Variants in EMCN observed in about 807,000 individuals in gnomAD.
The protein encoded by EMCN is endomucin.
EMCN carries 37 observed loss-of-function variants against 38.4 expected under a neutral mutation model. That is an observed-to-expected ratio of 0.96 (90% CI 0.74 to 1.27). The LOEUF (loss-of-function observed/expected upper bound fraction) is 1.27. Ranked by LOEUF, EMCN falls within the 50% of genes most tolerant of loss-of-function variation. The pLI is 0.00. For missense variants in EMCN, 318 were observed against 302.8 expected, an observed-to-expected ratio of 1.05 and a Z score of -0.37; for synonymous variants, 95 against 100.8, an observed-to-expected ratio of 0.94 and a Z score of 0.35.
At chr4:100,512,806 C>CA (rs201517827) in intron 1 of EMCN, among the ~76,000 whole-genome samples, 1,391 of 83,326 alleles carry the variant, frequency 0.017, 17 homozygotes, top group African/African-American at 0.047. Flanking sequence ...AACTCCATCT[C>CA]AAAAAAAAAA....
intron 11 of EMCN, among the ~76,000 whole-genome samples, chr4:100,402,358 T>A (rs559740162): frequency 6.6e-6 from 1 of 152,192 alleles, no homozygotes; most frequent in South Asian, 2.1e-4. Context: ...TACTGTTTGC[T>A]GTTTCATGAG....
chr4:100,420,903 CCT>C (rs1250684529), intron 8 of EMCN, among the ~76,000 whole-genome samples: 1 of 151,822 alleles, frequency 6.6e-6, no homozygotes, highest in Non-Finnish European at 1.5e-5. Flanking sequence ...ATTATGGGCC[CCT>C]GAGCTGAATT....
At chr4:100,427,967 T>C (rs551438323) in intron 5 of EMCN, among the ~76,000 whole-genome samples, 1 of 152,098 alleles carries the variant, frequency 6.6e-6, no homozygotes, top group Non-Finnish European at 1.5e-5. Flanking sequence ...ATTGGCTTCA[T>C]CTCCGAACTA....
intron 1 of EMCN, chr4:100,483,243 A>C (rs779267978): frequency 1.3e-5 from 2 of 152,156 alleles, no homozygotes; most frequent in Non-Finnish European, 2.9e-5. Context: ...AGGCTCAAAA[A>C]GGGTAAACAG....
chr4:100,461,880 A>G (rs933139863), intron 4 of EMCN, among the ~76,000 whole-genome samples: 3 of 152,194 alleles, frequency 2.0e-5, no homozygotes, highest in African/African-American at 7.2e-5. Context: ...GCTGTTCAAC[A>G]TTTAACCAAC....
rs543865238 is a variant in EMCN, at chr4:100,492,792, A to G, written c.65-12753T>C. On this transcript the variant is annotated intron_variant, in intron 1 of 11. Transcript: ENST00000296420. Reference sequence around the variant, plus strand: ...AGAAGACACTAAATAAATCAAAATAATTTATTACCAGAAAAAAAGCAAGGG... The same window carrying G: ...AGAAGACACTAAATAAATCAAAATAGTTTATTACCAGAAAAAAAGCAAGGG... Among the ~76,000 whole-genome samples the G allele has an allele frequency of 3.3e-5, 5 of 152,278 alleles. No homozygotes were observed. The South Asian group carries it at 1.0e-3, about 32-fold the overall frequency.
Position 100,478,124 on chromosome 4 carries a change from C to T in EMCN, c.187+1793G>A, listed in dbSNP as rs142949456. 2.6e-5 allele frequency among the ~76,000 whole-genome samples: 4 copies of T among 152,258 alleles called. No individual in the cohort carries two copies. In the East Asian group the frequency reaches 7.7e-4, roughly 29 times the overall value. On this transcript the variant is annotated intron_variant, in intron 2 of 11. Transcript: ENST00000296420. Reference sequence around the variant, plus strand: ...TTGTCCAATGTTGTTCCCTCATTCTCCTATAAGCACCACGGACCCCAATTT... The same window carrying T: ...TTGTCCAATGTTGTTCCCTCATTCTTCTATAAGCACCACGGACCCCAATTT...
intron 5 of EMCN, among the ~76,000 whole-genome samples, chr4:100,433,335 A>G (rs1727254782): frequency 1.3e-5 from 2 of 152,068 alleles, no homozygotes; most frequent in Non-Finnish European, 2.9e-5. Flanking sequence ...CTGAATATGG[A>G]ATATTATTCT....
intron 10 of EMCN, among the ~76,000 whole-genome samples, chr4:100,415,164 T>C (rs1726680660): frequency 6.6e-6 from 1 of 152,268 alleles, no homozygotes; most frequent in Non-Finnish European, 1.5e-5. Flanking sequence ...CCCAAAGTGC[T>C]GGGATTACAG....
At chr4:100,508,423 G>A (rs141724711) in intron 1 of EMCN, among the ~76,000 whole-genome samples, 40 of 152,196 alleles carry the variant, frequency 2.6e-4, no homozygotes, top group Non-Finnish European at 5.7e-4. Flanking sequence ...CTAATGAATA[G>A]CATATGTATT....
intron 1 of EMCN, among the ~76,000 whole-genome samples, chr4:100,503,231 T>C (rs550809590): frequency 1.2e-3 from 179 of 152,294 alleles, no homozygotes; most frequent in African/African-American, 4.1e-3. Context: ...TAATTTCTTT[T>C]ACAATTTAAG....
chr4:100,467,622 C>T (rs1353778638), intron 3 of EMCN, among the ~76,000 whole-genome samples: 1 of 140,304 alleles, frequency 7.1e-6, no homozygotes, highest in East Asian at 2.1e-4. Context: ...GCGGAGCTTG[C>T]AGTGAGCCGG....
At chr4:100,485,561 TTCTG>T (rs1560635889) in intron 1 of EMCN, among the ~76,000 whole-genome samples, 1 of 151,666 alleles carries the variant, frequency 6.6e-6, no homozygotes, top group Non-Finnish European at 1.5e-5. Flanking sequence ...AGTTGAAAAT[TTCTG>T]TCTTTCTCAC....
In EMCN at chr4:100,396,387, T is replaced by C. The variant is rs1479646628; in HGVS notation, c.*2026A>G. On this transcript the variant is annotated 3_prime_UTR_variant, in exon 12 of 12. Coordinates refer to ENST00000296420, the MANE Select transcript of EMCN (RefSeq NM_016242.4). ...CCATGCTCATGAAATGTAGAGAAAATGGTTTCTCTAGGATCCAAAATAACA... is the reference window on the plus strand; with the variant it reads ...CCATGCTCATGAAATGTAGAGAAAACGGTTTCTCTAGGATCCAAAATAACA... 6.6e-6 allele frequency: 1 copy of C among 152,110 alleles called. No homozygotes were observed. The highest frequency in any genetic ancestry group is 1.5e-5 in the Non-Finnish European group (1 of 68,012). 9.4% of individuals were successfully genotyped at this position (152,110 alleles called of 1,614,324 possible).
chr4:100,463,234 G>C (rs1267046978), intron 4 of EMCN, among the ~76,000 whole-genome samples: 4 of 152,052 alleles, frequency 2.6e-5, no homozygotes, highest in African/African-American at 7.2e-5. Context: ...TTTGCTCACA[G>C]GGTATTCCTA....
chr4:100,459,538 T>G (rs2651588), intron 4 of EMCN, among the ~76,000 whole-genome samples: 3 of 151,984 alleles, frequency 2.0e-5, no homozygotes, highest in Non-Finnish European at 4.4e-5. Context: ...CTAACTGAAA[T>G]TTTGTATAAT....
At chr4:100,511,976 A>C (rs1345223040) in intron 1 of EMCN, among the ~76,000 whole-genome samples, 1 of 152,202 alleles carries the variant, frequency 6.6e-6, no homozygotes, top group East Asian at 1.9e-4. Flanking sequence ...ATGCTCCTGC[A>C]CTTCTAGTTC....
chr4:100,459,003 G>C (rs529016538), intron 4 of EMCN, among the ~76,000 whole-genome samples: 5 of 151,414 alleles, frequency 3.3e-5, no homozygotes, highest in Non-Finnish European at 5.9e-5. Flanking sequence ...TAGAGAAGCA[G>C]GCAAATCCAC....
intron 1 of EMCN, among the ~76,000 whole-genome samples, chr4:100,491,288 A>G (rs892176401): frequency 1.3e-5 from 2 of 152,132 alleles, no homozygotes; most frequent in Non-Finnish European, 2.9e-5. Context: ...CGCTAGCACT[A>G]TACTATTTTA....
Sources: allele counts gnomAD v4.1 joint callset (sites outside exome capture counted in the v4.1 genomes callset), GRCh38; gene constraint gnomAD v4.1.1; transcripts MANE v1.5; gene names NCBI Gene and HGNC (gene_info 2026-07-23, HGNC 2026-07-21).